LOC128462377: variants seen among roughly 807,000 people sequenced by gnomAD.
the LOC128462377 span, among the ~76,000 whole-genome samples, chr16:89,320,857 C>A: frequency 1.3e-5 from 2 of 152,272 alleles, no homozygotes; most frequent in Admixed American, 1.3e-4. Flanking sequence ...AGAGCCCCTG[C>A]AGCCCAGAGG....
chr16:89,390,480 T>TA, the LOC128462377 span, among the ~76,000 whole-genome samples: 6 of 151,938 alleles, frequency 3.9e-5, no homozygotes, highest in African/African-American at 1.5e-4. Flanking sequence ...CAGAAAAAAA[T>TA]ACGTGAAGGA....
chr16:89,345,256 C>T, the LOC128462377 span, among the ~76,000 whole-genome samples: 15 of 142,356 alleles, frequency 1.1e-4, no homozygotes, highest in Non-Finnish European at 1.5e-4. Context: ...CCCCCCCTCC[C>T]CACCCCCCGG....
At chr16:89,372,929 T>C in the LOC128462377 span, 1 of 152,034 alleles carries the variant, frequency 6.6e-6, no homozygotes, top group Non-Finnish European at 1.5e-5. Flanking sequence ...CCTCAGAGAG[T>C]ATCACCCACA....
At chr16:89,406,506 G>T in the LOC128462377 span, among the ~76,000 whole-genome samples, 1 of 152,212 alleles carries the variant, frequency 6.6e-6, no homozygotes, top group Non-Finnish European at 1.5e-5. Context: ...ATGTTCGTTG[G>T]CCATGCCCGG....
the LOC128462377 span, among the ~76,000 whole-genome samples, chr16:89,411,417 TC>T: frequency 6.6e-6 from 1 of 152,182 alleles, no homozygotes; most frequent in Non-Finnish European, 1.5e-5. Flanking sequence ...GGTCTACATT[TC>T]TTCCTTTTTT....
chr16:89,407,852 CAAAAA>C, the LOC128462377 span, among the ~76,000 whole-genome samples: 20 of 111,430 alleles, frequency 1.8e-4, no homozygotes, highest in Non-Finnish European at 2.4e-4. Context: ...TGTCTCCCTC[CAAAAA>C]AAAAAAAAAA....
the LOC128462377 span, among the ~76,000 whole-genome samples, chr16:89,366,987 G>A: frequency 8.5e-5 from 13 of 152,322 alleles, 1 homozygote; most frequent in South Asian, 2.5e-3. Context: ...GCTGATTGTG[G>A]TTTGCCAGCC....
the LOC128462377 span, among the ~76,000 whole-genome samples, chr16:89,401,232 C>G: frequency 6.6e-6 from 1 of 152,060 alleles, no homozygotes; most frequent in African/African-American, 2.4e-5. Context: ...ACGGCCGCCA[C>G]CACGCCCGGC....
chr16:89,396,538 AT>A, the LOC128462377 span, among the ~76,000 whole-genome samples: 3 of 150,296 alleles, frequency 2.0e-5, no homozygotes, highest in East Asian at 1.9e-4. Flanking sequence ...TTCCCACTAG[AT>A]TTTTTTTTTG....
the LOC128462377 span, among the ~76,000 whole-genome samples, chr16:89,407,471 G>A: frequency 1.3e-5 from 2 of 151,962 alleles, no homozygotes; most frequent in Non-Finnish European, 1.5e-5. Flanking sequence ...AGCCAAAAAG[G>A]AACCACGTTC....
chr16:89,404,736 G>A, the LOC128462377 span, among the ~76,000 whole-genome samples: 4 of 152,262 alleles, frequency 2.6e-5, no homozygotes, highest in African/African-American at 4.8e-5. Flanking sequence ...AGAACAGGCA[G>A]GGACAGGCCC....
the LOC128462377 span, among the ~76,000 whole-genome samples, chr16:89,417,726 C>G: frequency 0.57 from 86,998 of 151,756 alleles, 25,107 homozygotes; most frequent in Middle Eastern, 0.72. Flanking sequence ...AACAAGAGCA[C>G]AACAGCTCCC....
chr16:89,384,788 C>T, the LOC128462377 span, among the ~76,000 whole-genome samples: 1 of 151,574 alleles, frequency 6.6e-6, no homozygotes, highest in Non-Finnish European at 1.5e-5. Flanking sequence ...AAAAGCAGGC[C>T]CACTAGACAG....
the LOC128462377 span, among the ~76,000 whole-genome samples, chr16:89,347,209 G>A: frequency 2.0e-5 from 3 of 152,200 alleles, no homozygotes; most frequent in African/African-American, 7.2e-5. Flanking sequence ...CCTGGGTGAG[G>A]GCTTCTTTCA....
At chr16:89,326,090 G>C in the LOC128462377 span, among the ~76,000 whole-genome samples, 1 of 152,232 alleles carries the variant, frequency 6.6e-6, no homozygotes, top group African/African-American at 2.4e-5. Flanking sequence ...CTTTTACACA[G>C]AAGGCGCCAA....
chr16:89,397,237 G>A, the LOC128462377 span, among the ~76,000 whole-genome samples: 1 of 152,176 alleles, frequency 6.6e-6, no homozygotes, highest in Non-Finnish European at 1.5e-5. Context: ...GGGAGCACGG[G>A]AGACACAGCC....
chr16:89,415,837 A>AAAC, the LOC128462377 span, among the ~76,000 whole-genome samples: 133 of 141,768 alleles, frequency 9.4e-4, 3 homozygotes, highest in African/African-American at 3.4e-3. Context: ...CTCAAAAAAA[A>AAAC]AAAAAAAAAA....
chr16:89,405,190 T>A, the LOC128462377 span, among the ~76,000 whole-genome samples: 1 of 151,558 alleles, frequency 6.6e-6, no homozygotes, highest in Non-Finnish European at 1.5e-5. Context: ...CAAGACTCCA[T>A]CTCAAAAAAA....
the LOC128462377 span, among the ~76,000 whole-genome samples, chr16:89,344,575 G>A: frequency 2.6e-5 from 4 of 152,312 alleles, no homozygotes; most frequent in South Asian, 2.1e-4. Context: ...CTGCCTCAGC[G>A]TCTGAGGGAT....
Sources: allele counts gnomAD v4.1 joint callset (sites outside exome capture counted in the v4.1 genomes callset), GRCh38; gene constraint gnomAD v4.1.1; transcripts MANE v1.5.